SAMD12: variants seen among roughly 807,000 people sequenced by gnomAD.
The protein encoded by SAMD12 is sterile alpha motif domain containing 12.
A neutral mutation model predicts 15.0 loss-of-function variants in SAMD12; 9 were observed. That is an observed-to-expected ratio of 0.60 (90% CI 0.36 to 1.05). SAMD12 has a LOEUF of 1.05. Among genes scored for constraint, SAMD12 ranks in the 50% least tolerant of loss-of-function variants. The pLI is 0.01. For missense variants in SAMD12, 230 were observed against 234.2 expected, an observed-to-expected ratio of 0.98 and a Z score of 0.12; for synonymous variants, 86 against 90.1, an observed-to-expected ratio of 0.96 and a Z score of 0.25.
At chr8:118,443,112 C>T (rs1233457858) in intron 2 of SAMD12, among the ~76,000 whole-genome samples, 1 of 152,174 alleles carries the variant, frequency 6.6e-6, no homozygotes, top group African/African-American at 2.4e-5. Context: ...TCAGCATATA[C>T]TCTTACTAGG....
At chr8:118,149,313 T>G in the SAMD12 span, among the ~76,000 whole-genome samples, 1 of 152,220 alleles carries the variant, frequency 6.6e-6, no homozygotes, top group African/African-American at 2.4e-5. Context: ...TAAAATTATA[T>G]ATGTTTTTAT....
intron 2 of SAMD12, among the ~76,000 whole-genome samples, chr8:118,535,442 C>T (rs930839863): frequency 2.6e-5 from 4 of 152,224 alleles, no homozygotes; most frequent in African/African-American, 9.6e-5. Context: ...ATCTCAAACT[C>T]CATGCTGGGA....
At chr8:118,169,092 T>A in the SAMD12 span, among the ~76,000 whole-genome samples, 2 of 152,132 alleles carry the variant, frequency 1.3e-5, no homozygotes, top group Non-Finnish European at 2.9e-5. Flanking sequence ...ATCTACCTAG[T>A]GGGTATGATG....
chr8:118,553,902 C>T (rs1290424365), intron 2 of SAMD12, among the ~76,000 whole-genome samples: 4 of 151,008 alleles, frequency 2.6e-5, no homozygotes, highest in African/African-American at 9.8e-5. Context: ...CAAAAGAAGA[C>T]ATTTATGCAG....
At chr8:118,355,237 G>A (rs1053608182) in intron 4 of SAMD12, among the ~76,000 whole-genome samples, 4 of 152,156 alleles carry the variant, frequency 2.6e-5, no homozygotes, top group Non-Finnish European at 5.9e-5. Context: ...AATGGCATTC[G>A]CAGCAAGATG....
chr8:118,608,228 C>T (rs1828026848), intron 1 of SAMD12, among the ~76,000 whole-genome samples: 1 of 151,704 alleles, frequency 6.6e-6, no homozygotes, highest in South Asian at 2.1e-4. Context: ...CCTTTTACTG[C>T]TTGCCAAGCC....
At chr8:118,166,819 G>A in the SAMD12 span, among the ~76,000 whole-genome samples, 1 of 152,124 alleles carries the variant, frequency 6.6e-6, no homozygotes, top group African/African-American at 2.4e-5. Flanking sequence ...CTCTCCTTGT[G>A]CATGACTTAA....
intron 2 of SAMD12, among the ~76,000 whole-genome samples, chr8:118,446,413 T>C (rs2130904427): frequency 6.6e-6 from 1 of 152,330 alleles, no homozygotes; most frequent in African/African-American, 2.4e-5. Flanking sequence ...AGATGGGGGT[T>C]AGTAAACCTA....
chr8:118,143,918 A>G, the SAMD12 span, among the ~76,000 whole-genome samples: 1 of 152,172 alleles, frequency 6.6e-6, no homozygotes, highest in Admixed American at 6.5e-5. Flanking sequence ...CAAACTTGCT[A>G]GCTCAAAACA....
intron 2 of SAMD12, among the ~76,000 whole-genome samples, chr8:118,544,442 C>A (rs891292744): frequency 6.6e-6 from 1 of 151,972 alleles, no homozygotes; most frequent in Non-Finnish European, 1.5e-5. Flanking sequence ...TCACACTTAC[C>A]TATAATCAGA....
At chr8:118,549,198 G>C (rs1263659014) in intron 2 of SAMD12, among the ~76,000 whole-genome samples, 1 of 152,232 alleles carries the variant, frequency 6.6e-6, no homozygotes, top group African/African-American at 2.4e-5. Context: ...CACACAGCTG[G>C]AGATCTGAGA....
intron 2 of SAMD12, among the ~76,000 whole-genome samples, chr8:118,472,247 A>T (rs1823820683): frequency 6.6e-6 from 1 of 151,672 alleles, no homozygotes; most frequent in South Asian, 2.1e-4. Flanking sequence ...AGATTGTGCC[A>T]CTGCACTCCA....
At chr8:118,135,829 G>A in the SAMD12 span, among the ~76,000 whole-genome samples, 47 of 151,334 alleles carry the variant, frequency 3.1e-4, no homozygotes, top group African/African-American at 1.1e-3. Flanking sequence ...GATTACAGGC[G>A]TGAGCCACCA....
chr8:118,431,702 G>T (rs1199362665), intron 3 of SAMD12, among the ~76,000 whole-genome samples: 1 of 151,216 alleles, frequency 6.6e-6, no homozygotes, highest in Non-Finnish European at 1.5e-5. Context: ...GTGTGTGTGT[G>T]TGTGTGTGTG....
At chr8:118,301,667 G>A (rs553708389) in intron 4 of SAMD12, among the ~76,000 whole-genome samples, 9 of 152,286 alleles carry the variant, frequency 5.9e-5, no homozygotes, top group South Asian at 4.1e-4. Flanking sequence ...GACATCTGTC[G>A]TGATGGATAT....
intron 4 of SAMD12, among the ~76,000 whole-genome samples, chr8:118,353,902 C>A (rs566482230): frequency 6.6e-6 from 1 of 152,070 alleles, no homozygotes; most frequent in Non-Finnish European, 1.5e-5. Flanking sequence ...CTCCCCACCC[C>A]GCTTGCGCCT....
chr8:118,150,600 C>T, the SAMD12 span, among the ~76,000 whole-genome samples: 1 of 152,130 alleles, frequency 6.6e-6, no homozygotes, highest in East Asian at 1.9e-4. Flanking sequence ...GACTCCCTGC[C>T]TCAAGTGATC....
At chr8:118,252,898 G>A (rs1367533808) in intron 4 of SAMD12, among the ~76,000 whole-genome samples, 4 of 152,122 alleles carry the variant, frequency 2.6e-5, no homozygotes, top group East Asian at 1.9e-4. Context: ...TGCCAGTCCC[G>A]GCAGCAGTCC....
chr8:118,278,992 C>CTTATT (rs1813539352), intron 4 of SAMD12, among the ~76,000 whole-genome samples: 6 of 152,142 alleles, frequency 3.9e-5, no homozygotes, highest in Admixed American at 3.9e-4. Context: ...CATGCTTTCC[C>CTTATT]AATGGGCTTC....
Sources: allele counts gnomAD v4.1 joint callset (sites outside exome capture counted in the v4.1 genomes callset), GRCh38; gene constraint gnomAD v4.1.1; transcripts MANE v1.5; gene names NCBI Gene and HGNC (gene_info 2026-07-23, HGNC 2026-07-21).